The following GABPB1 variants were observed in gnomAD, a reference collection of about 807,000 sequenced individuals.
The protein encoded by GABPB1 is GA-binding protein subunit beta-1.
A neutral mutation model predicts 45.9 loss-of-function variants in GABPB1; 15 were observed. That is an observed-to-expected ratio of 0.33 (90% confidence interval 0.22 to 0.50). GABPB1 has a LOEUF of 0.50. GABPB1 is among the 20% of genes least tolerant of loss of function. GABPB1 has a pLI of 0.98. For synonymous variants in GABPB1, 143 were observed against 154.4 expected (o/e 0.93, Z 0.55); for missense variants, 252 against 457.5 (o/e 0.55, Z 4.10).
intron 1 of GABPB1, among the ~76,000 whole-genome samples, chr15:50,322,147 T>C (rs2047594480): frequency 6.6e-6 from 1 of 151,996 alleles, no homozygotes; most frequent in Admixed American, 6.5e-5. Flanking sequence ...ACTTGTCTAA[T>C]AACTAGCAAT....
chr15:50,280,449 G>A (rs1471536976), intron 8 of GABPB1, among the ~76,000 whole-genome samples: 1 of 152,100 alleles, frequency 6.6e-6, no homozygotes, highest in Non-Finnish European at 1.5e-5. Context: ...AGCCATGCAC[G>A]TGTTTTAAAA....
intron 6 of GABPB1, among the ~76,000 whole-genome samples, chr15:50,293,212 T>C (rs1203972558): frequency 6.6e-6 from 1 of 152,186 alleles, no homozygotes. Flanking sequence ...ACTCACAGTA[T>C]GGCATCATGG....
At chr15:50,354,800 C>A (rs887170210) in intron 1 of GABPB1, 185 bp downstream of exon 1, 1 of 228,570 alleles carries the variant, frequency 4.4e-6, no homozygotes, top group African/African-American at 2.4e-5. Context: ...GGCGCCCAGG[C>A]CGACCCCGCC....
chr15:50,334,601 GGA>G (rs773191555), intron 1 of GABPB1, among the ~76,000 whole-genome samples: 3 of 136,890 alleles, frequency 2.2e-5, no homozygotes, highest in Non-Finnish European at 4.5e-5. Context: ...TTGACTTCCT[GGA>G]CTCAAGTGAT....
chr15:50,278,500 G>T lies in GABPB1; in HGVS notation c.*132C>A. 1.7e-6 allele frequency: 1 copy of T among 574,446 alleles called. No homozygotes were observed. Among genetic ancestry groups the T allele is most frequent in the Non-Finnish European group, 2.8e-6 (1 of 354,906 alleles). The allele number at this position is 574,446 out of a possible 1,614,324, so 35.6% of individuals were successfully genotyped here. On this transcript the variant is annotated 3_prime_UTR_variant, in exon 9 of 9. Coordinates refer to ENST00000380877, the MANE Select transcript of GABPB1 (RefSeq NM_016654.5). ...ATGTTACAAGAACTCAGAGCTCATGGCTTAAGTCCAATTATCCATCTGTAG... is the reference window on the plus strand; with the variant it reads ...ATGTTACAAGAACTCAGAGCTCATGTCTTAAGTCCAATTATCCATCTGTAG...
At chr15:50,352,335 CTTTT>C (rs11323034) in intron 1 of GABPB1, 16 of 141,428 alleles carry the variant, frequency 1.1e-4, no homozygotes, top group African/African-American at 2.1e-4. Context: ...ACCAAGCATA[CTTTT>C]TTTTTTTTTT....
At chr15:50,319,786 C>T (rs1436924593) in intron 1 of GABPB1, among the ~76,000 whole-genome samples, 3 of 151,620 alleles carry the variant, frequency 2.0e-5, no homozygotes, top group African/African-American at 2.4e-5. Flanking sequence ...TGCAGTGAGC[C>T]GAGATCACAC....
At chr15:50,317,727 G>A (rs1342000721) in intron 1 of GABPB1, among the ~76,000 whole-genome samples, 2 of 151,956 alleles carry the variant, frequency 1.3e-5, no homozygotes, top group African/African-American at 4.8e-5. Context: ...GGCTAACATG[G>A]TGAAACCCCG....
chr15:50,342,593 T>C (rs976036322), intron 1 of GABPB1, among the ~76,000 whole-genome samples: 3 of 152,230 alleles, frequency 2.0e-5, no homozygotes, highest in Admixed American at 6.5e-5. Context: ...TAAGTGGGTA[T>C]AGACACCATA....
At position 50,340,923 on chromosome 15, in the gene GABPB1, C is replaced by CATGTGGTTTATTACCATATGTA. The variant is rs1567545939; in HGVS notation, c.-1+14061_-1+14062insTACATATGGTAATAAACCACAT. Among the ~76,000 whole-genome samples, 29 of 16,106 alleles carry CATGTGGTTTATTACCATATGTA rather than the reference C, an allele frequency of 1.8e-3. 3 individuals carry two copies. Among genetic ancestry groups the CATGTGGTTTATTACCATATGTA allele is most frequent in the Admixed American group, 5.5e-3 (9 of 1,650 alleles). The allele number at this position is 16,106 out of a possible 152,430, so 10.6% of individuals were successfully genotyped here. A position where few individuals can be genotyped will look rare whatever the true frequency, so the allele number is the denominator to read the frequency against. On this transcript the variant is annotated intron_variant, in intron 1 of 8. Coordinates refer to ENST00000380877, the MANE Select transcript of GABPB1 (RefSeq NM_016654.5). ...TGGTTTATTACCATATGTAATATTA[C>CATGTGGTTTATTACCATATGTA]ATATTACATATGGTTTATTACCATA...
chr15:50,290,403 C>T (rs1053549798), intron 6 of GABPB1, among the ~76,000 whole-genome samples: 1 of 152,016 alleles, frequency 6.6e-6, no homozygotes, highest in Non-Finnish European at 1.5e-5. Flanking sequence ...CTAGCCTGGC[C>T]AACATGGCAA....
chr15:50,340,698 T>G (rs1264595580), intron 1 of GABPB1, among the ~76,000 whole-genome samples: 1 of 152,144 alleles, frequency 6.6e-6, no homozygotes, highest in Non-Finnish European at 1.5e-5. Context: ...TATTGTGTTT[T>G]AATATGCATT....
Position 50,335,305 on chromosome 15 carries a change from A to G in GABPB1, c.-1+19680T>C, listed in dbSNP as rs1595826806. On this transcript the variant is annotated intron_variant, in intron 1 of 8. Transcript: ENST00000380877. Reference sequence around the variant, plus strand: ...CTCAGCTGTAGATATATGGAGCCCAAGCCTAATTAGGCAAGAATATCTCAT... The same window carrying G: ...CTCAGCTGTAGATATATGGAGCCCAGGCCTAATTAGGCAAGAATATCTCAT... 2.0e-5 allele frequency among the ~76,000 whole-genome samples: 3 copies of G among 152,314 alleles called. No individual in the cohort carries two copies. The South Asian group carries it at 6.2e-4, about 32-fold the overall frequency.
chr15:50,294,583 A>G (rs991388689), intron 6 of GABPB1, among the ~76,000 whole-genome samples: 7 of 152,158 alleles, frequency 4.6e-5, no homozygotes, highest in African/African-American at 1.7e-4. Context: ...TTTCGAAGGT[A>G]TTATGGTGGC....
At chr15:50,321,506 G>A (rs141172178) in intron 1 of GABPB1, among the ~76,000 whole-genome samples, 6 of 152,148 alleles carry the variant, frequency 3.9e-5, no homozygotes, top group African/African-American at 1.4e-4. Flanking sequence ...TAAAAGATGC[G>A]GCAACCCTTT....
intron 1 of GABPB1, among the ~76,000 whole-genome samples, chr15:50,337,403 G>A (rs1284482918): frequency 4.6e-5 from 7 of 151,930 alleles, no homozygotes. Context: ...ATCTTAAAAA[G>A]TAAACTTTTA....
Position 50,289,662 on chromosome 15 carries a change from G to T in GABPB1, c.704C>A (p.Ala235Asp). The change falls in exon 7 of 9, where the codon GCC becomes GAC. Residue 235 changes from alanine to aspartate, a missense_variant. By Grantham distance (126) the Ala-to-Asp change is moderately radical. Coordinates refer to ENST00000380877, the MANE Select transcript of GABPB1 (RefSeq NM_016654.5). ...TTCTGCAGTAACTACTTCTTCTGTG[G>T]CCACTACTGGAAAAAAAAAAAAGAA... ...LSNSSETPVV[A>D]TEEVVTAESV... 1.9e-6 allele frequency: 3 copies of T among 1,598,058 alleles called. No homozygotes were observed.
rs1177652388 is a variant in GABPB1 at position 50,304,131 on chromosome 15, C to T, written c.111G>A (p.Leu37=). 1.3e-6 allele frequency: 2 copies of T among 1,572,790 alleles called. No homozygotes were observed. Among genetic ancestry groups the T allele is most frequent in the African/African-American group, 1.4e-5 (1 of 72,132 alleles). The change falls in exon 3 of 9, where the codon CTG becomes CTA. Residue 37 remains leucine (L), a splice_region_variant and synonymous_variant. Coordinates refer to ENST00000380877, the MANE Select transcript of GABPB1 (RefSeq NM_016654.5). ...CTGCTAGATGAAGTGGAGAAGTTCC[C>T]AGCTGTACCACAGAAAAAAAAAAAA... The part of the protein sequence containing the change: ...ANGAPFTTDW[L]GTSPLHLAAQ...
intron 1 of GABPB1, among the ~76,000 whole-genome samples, chr15:50,320,982 C>G (rs1421030988): frequency 1.3e-5 from 2 of 151,988 alleles, no homozygotes; most frequent in African/African-American, 4.8e-5. Context: ...CTTCGGACTT[C>G]CAGAACTATA....
Sources: allele counts gnomAD v4.1 joint callset (sites outside exome capture counted in the v4.1 genomes callset), GRCh38; gene constraint gnomAD v4.1.1; transcripts MANE v1.5; gene names NCBI Gene and HGNC (gene_info 2026-07-23, HGNC 2026-07-21).